SNRNP40: variants seen among roughly 807,000 people sequenced by gnomAD.
SNRNP40 encodes small nuclear ribonucleoprotein U5 subunit 40.
Under a neutral mutation model 45.8 loss-of-function variants are expected in SNRNP40, and 21 were observed. The ratio of observed to expected loss-of-function variants is 0.46; its 90% CI spans 0.32 to 0.66. The LOEUF (loss-of-function observed/expected upper bound fraction) is 0.66. Ranked by LOEUF, SNRNP40 falls within the 30% of genes least tolerant of loss-of-function variation. The pLI is 0.03. For missense variants in SNRNP40, 344 were observed against 439.1 expected, an observed-to-expected ratio of 0.78 and a Z score of 1.94; for synonymous variants, 142 against 163.8, an observed-to-expected ratio of 0.87 and a Z score of 1.01.
rs773371586 is a variant in SNRNP40 at position 31,271,337 on chromosome 1, T to G, written c.775+42A>C. The G allele has an allele frequency of 2.5e-6, 4 of 1,590,322 alleles. No individual in the cohort carries two copies. In the African/African-American group the frequency reaches 5.4e-5, roughly 22 times the overall value. ...ATGGAATCTGTGAGCAATCTTTGAC[T>G]TTTTCCTTGGATCCTGGGAGAGATT... On this transcript the variant is annotated intron_variant, in intron 6 of 9. Transcript: ENST00000263694.
At chr1:31,283,723 A>G (rs1469107232) in intron 4 of SNRNP40, among the ~76,000 whole-genome samples, 2 of 152,250 alleles carry the variant, frequency 1.3e-5, no homozygotes, top group Non-Finnish European at 2.9e-5. Flanking sequence ...TAATATTTAA[A>G]TGCCTAGTTT....
chr1:31,289,203 G>C, intron 4 of SNRNP40, 51 bp downstream of exon 4: 1 of 1,558,932 alleles, frequency 6.4e-7, no homozygotes, highest in Non-Finnish European at 8.7e-7. Context: ...GGCAAGATAA[G>C]GTTCACATCA....
chr1:31,278,490 TATC>T (rs1645991735), intron 5 of SNRNP40, among the ~76,000 whole-genome samples: 1 of 152,244 alleles, frequency 6.6e-6, no homozygotes, highest in South Asian at 2.1e-4. Flanking sequence ...GTATAAAAGT[TATC>T]ATAGCTTGAT....
intron 4 of SNRNP40, among the ~76,000 whole-genome samples, chr1:31,283,264 G>A (rs1422756175): frequency 1.3e-5 from 2 of 152,124 alleles, no homozygotes; most frequent in Non-Finnish European, 2.9e-5. Flanking sequence ...GAATTCAGTG[G>A]TCACACAGGA....
At chr1:31,275,958 T>C (rs770883788) in intron 5 of SNRNP40, among the ~76,000 whole-genome samples, 29 of 152,218 alleles carry the variant, frequency 1.9e-4, no homozygotes, top group Non-Finnish European at 3.8e-4. Flanking sequence ...AAAAGTTTCA[T>C]GCACAAATAT....
intron 4 of SNRNP40, chr1:31,281,741 A>G (rs773003250): frequency 3.4e-5 from 11 of 321,540 alleles, no homozygotes; most frequent in Non-Finnish European, 5.2e-5. Flanking sequence ...GTTGAAGTGA[A>G]CAGAGTTAAA....
chr1:31,261,375 A>T (rs1218335992), intron 9 of SNRNP40, among the ~76,000 whole-genome samples, 154 bp downstream of exon 9: 2 of 152,100 alleles, frequency 1.3e-5, no homozygotes, highest in Non-Finnish European at 2.9e-5. Context: ...AAAACCCAAC[A>T]ACAAAAAAAC....
intron 5 of SNRNP40, among the ~76,000 whole-genome samples, chr1:31,277,549 T>G (rs1306571771): frequency 6.6e-6 from 1 of 152,236 alleles, no homozygotes; most frequent in African/African-American, 2.4e-5. Flanking sequence ...ACTGATTTTT[T>G]GTTTAGAAAA....
At chr1:31,261,052 T>G (rs1232167817) in intron 9 of SNRNP40, 2 of 1,277,034 alleles carry the variant, frequency 1.6e-6, no homozygotes, top group African/African-American at 3.1e-5. Context: ...ACATAAAGAC[T>G]GTTTGCAGCT....
At position 31,286,403 on chromosome 1, in the gene SNRNP40, TG is replaced by T. The variant is rs1646059695; in HGVS notation, c.531+2850del. 2.0e-5 allele frequency among the ~76,000 whole-genome samples: 3 copies of T among 152,158 alleles called. No individual in the cohort carries two copies. In the South Asian group the frequency reaches 6.2e-4, roughly 32 times the overall value. ...ATATTCTCTTCCACCCTTCCCTACT[TG>T]AATTGTGATTCCCATTCTTGGTTGA... On this transcript the variant is annotated intron_variant, in intron 4 of 9. Coordinates refer to ENST00000263694, the MANE Select transcript of SNRNP40 (RefSeq NM_004814.3).
intron 4 of SNRNP40, among the ~76,000 whole-genome samples, chr1:31,288,167 A>G (rs921970109): frequency 3.3e-5 from 3 of 92,250 alleles, no homozygotes; most frequent in African/African-American, 1.4e-4. Flanking sequence ...TGTCTCAAAG[A>G]AAAAAAAAAA....
intron 4 of SNRNP40, among the ~76,000 whole-genome samples, chr1:31,285,044 CT>C (rs1646047253): frequency 6.6e-6 from 1 of 152,084 alleles, no homozygotes; most frequent in African/African-American, 2.4e-5. Flanking sequence ...TCAAATCTAT[CT>C]TTGTCTTTCT....
chr1:31,261,309 C>T, intron 9 of SNRNP40: 7 of 535,002 alleles, frequency 1.3e-5, no homozygotes, highest in South Asian at 2.1e-5. Context: ...CAAGATTGCA[C>T]CATTGCTCCA....
intron 1 of SNRNP40, among the ~76,000 whole-genome samples, chr1:31,294,260 T>C (rs896461645): frequency 4.6e-5 from 7 of 152,174 alleles, no homozygotes; most frequent in Admixed American, 1.3e-4. Flanking sequence ...ACCTGGCCTA[T>C]TTTTATTTCT....
chr1:31,295,604 G>A (rs892979262), intron 1 of SNRNP40, among the ~76,000 whole-genome samples: 4 of 152,212 alleles, frequency 2.6e-5, no homozygotes, highest in Non-Finnish European at 5.9e-5. Flanking sequence ...GGTCAGAGAG[G>A]TAAAGGGAAA....
Position 31,264,785 on chromosome 1 carries a change from ATTAG to A in SNRNP40, c.920+3082_920+3085del, listed in dbSNP as rs548628426. 3.8e-4 allele frequency among the ~76,000 whole-genome samples: 58 copies of A among 152,240 alleles called. 1 individual carries two copies. Among genetic ancestry groups the A allele is most frequent in the African/African-American group, 1.3e-3 (56 of 41,546 alleles). The stretch of plus-strand genomic sequence containing the variant: ...AATATGAGGAGGTGATCTGTAAGTT[ATTAG>A]TTAGTAGAAAGGAGAAGTTTGCCAA... On this transcript the variant is annotated intron_variant, in intron 8 of 9. Transcript: ENST00000263694.
intron 4 of SNRNP40, among the ~76,000 whole-genome samples, chr1:31,282,753 G>A (rs373757569): frequency 4.8e-4 from 73 of 152,144 alleles, no homozygotes; most frequent in African/African-American, 1.7e-3. Context: ...TTGGCTCACT[G>A]CAACCTCCAC....
At position 31,288,371 on chromosome 1, in the gene SNRNP40, T is replaced by A. The variant is rs547828863; in HGVS notation, c.531+883A>T. ...CTTGTGTGCCTCTGAGATAAATTAT[T>A]ATTTCTAGGCCTCAGTTTCCTTATT... On this transcript the variant is annotated intron_variant, in intron 4 of 9. Transcript: ENST00000263694. Among the ~76,000 whole-genome samples, 128 of 152,116 alleles carry A rather than the reference T, an allele frequency of 8.4e-4. 1 individual carries two copies. The highest frequency in any genetic ancestry group is 1.6e-3 in the Non-Finnish European group (110 of 68,028).
At chr1:31,285,793 C>T (rs903151939) in intron 4 of SNRNP40, among the ~76,000 whole-genome samples, 1 of 152,168 alleles carries the variant, frequency 6.6e-6, no homozygotes, top group South Asian at 2.1e-4. Flanking sequence ...CTGAAAGTTA[C>T]AGGTCATCAT....
Sources: gnomAD v4.1 joint callset for allele counts (sites outside exome capture counted in the v4.1 genomes callset) on GRCh38, gnomAD v4.1.1 for gene constraint, MANE v1.5 for transcripts, NCBI Gene and HGNC (gene_info 2026-07-23, HGNC 2026-07-21) for gene names.